STRIP2: variants seen among roughly 807,000 people sequenced by gnomAD.
STRIP2 encodes the protein striatin interacting protein 2.
A neutral mutation model predicts 107.1 loss-of-function variants in STRIP2; 84 were observed. That is an observed-to-expected ratio of 0.78 (90% CI 0.66 to 0.94). The LOEUF (loss-of-function observed/expected upper bound fraction) is 0.94, where lower values mean the gene tolerates loss of function less well. STRIP2 is among the 40% of genes least tolerant of loss of function. The pLI, the probability that STRIP2 is intolerant of heterozygous loss-of-function variation, is 0.00. For synonymous variants in STRIP2, 394 were observed against 400.4 expected, an observed-to-expected ratio of 0.98 and a Z score of 0.19; for missense variants, 888 against 1,034.2, an observed-to-expected ratio of 0.86 and a Z score of 1.94.
chr7:129,449,822 C>T (rs1406995952), intron 3 of STRIP2, among the ~76,000 whole-genome samples: 3 of 152,208 alleles, frequency 2.0e-5, no homozygotes. Context: ...AAGACTCTCA[C>T]TCAGGGCAAT....
intron 15 of STRIP2, among the ~76,000 whole-genome samples, chr7:129,464,392 G>C (rs1798620189): frequency 6.6e-6 from 1 of 152,018 alleles, no homozygotes; most frequent in Non-Finnish European, 1.5e-5. Flanking sequence ...ATTGCCAAGG[G>C]ATGAGCTTGC....
chr7:129,457,206 C>T (rs1798387778), intron 9 of STRIP2, among the ~76,000 whole-genome samples: 1 of 152,170 alleles, frequency 6.6e-6, no homozygotes, highest in Non-Finnish European at 1.5e-5. Context: ...ACTGAGCAAA[C>T]ATCATAGAGT....
intron 15 of STRIP2, 29 bp downstream of exon 15, chr7:129,464,170 G>C (rs1306626966): frequency 2.0e-6 from 3 of 1,516,786 alleles, no homozygotes; most frequent in Non-Finnish European, 2.7e-6. Flanking sequence ...GCAGCTGCTG[G>C]ATACTAGCTG....
intron 3 of STRIP2, among the ~76,000 whole-genome samples, chr7:129,449,136 T>C (rs1335913217): frequency 6.6e-6 from 1 of 152,212 alleles, no homozygotes; most frequent in African/African-American, 2.4e-5. Context: ...AGCTGCAACA[T>C]TGAACGCAGA....
chr7:129,437,716 C>T (rs192423120), intron 1 of STRIP2, among the ~76,000 whole-genome samples: 1 of 152,122 alleles, frequency 6.6e-6, no homozygotes, highest in East Asian at 1.9e-4. Flanking sequence ...TTGCCACTCT[C>T]CACCTTTTTC....
chr7:129,464,094 G>A lies in STRIP2; in HGVS notation c.1602G>A (p.Lys534=). 1 of 1,613,426 alleles carries A rather than the reference G, an allele frequency of 6.2e-7. No individual in the cohort carries two copies. The highest frequency in any genetic ancestry group is 1.1e-5 in the South Asian group (1 of 91,060). ...CTGCAGCTCCCACCTCTAAGGCTAA[G>A]ACAGACTCTATCAATATCCTGGCAG... ...LLAAAPTSKA[K]TDSINILADV... is the part of the protein sequence containing the mutation. Residue 534 remains lysine (K), a synonymous_variant, in exon 15 of 21, where the codon AAG becomes AAA. Transcript: ENST00000249344.
At chr7:129,442,156 C>G (rs1562894378) in intron 2 of STRIP2, among the ~76,000 whole-genome samples, 1 of 152,032 alleles carries the variant, frequency 6.6e-6, no homozygotes, top group African/African-American at 2.4e-5. Context: ...ACCTGGGAGG[C>G]AGAGGTTGCA....
At chr7:129,451,379 G>A (rs998113457) in intron 3 of STRIP2, among the ~76,000 whole-genome samples, 2 of 152,218 alleles carry the variant, frequency 1.3e-5, no homozygotes, top group African/African-American at 4.8e-5. Context: ...GGACAGTATG[G>A]GCTGTGTGTG....
intron 7 of STRIP2, 62 bp downstream of exon 7, chr7:129,454,589 A>G (rs567879168): frequency 9.4e-7 from 1 of 1,067,054 alleles, no homozygotes; most frequent in African/African-American, 1.5e-5. Flanking sequence ...GAAGCAGAGC[A>G]TCTGCCTAGG....
rs1041370314 is a variant in STRIP2 at position 129,486,443 on chromosome 7, C to A, written c.*614C>A. 2 of 154,516 alleles carry A rather than the reference C, an allele frequency of 1.3e-5. No homozygotes were observed. The highest frequency in any genetic ancestry group is 2.4e-5 in the African/African-American group (1 of 41,422). The allele number at this position is 154,516 out of a possible 1,614,324, so 9.6% of individuals were successfully genotyped here. On this transcript the variant is annotated 3_prime_UTR_variant, in exon 21 of 21. Transcript: ENST00000249344. ...TGTGTAAAGTGTTTTTTTCCTCATT[C>A]TGTAAGAGATCTATATTCAATGTGA... is the stretch of plus-strand genomic sequence containing the variant.
intron 1 of STRIP2, among the ~76,000 whole-genome samples, chr7:129,438,993 T>C (rs1220141534): frequency 6.6e-6 from 1 of 152,176 alleles, no homozygotes; most frequent in East Asian, 1.9e-4. Flanking sequence ...CTGAACCTAG[T>C]TGTTTCTGGG....
intron 18 of STRIP2, among the ~76,000 whole-genome samples, chr7:129,471,000 G>A (rs957809924): frequency 6.6e-6 from 1 of 152,192 alleles, no homozygotes; most frequent in Non-Finnish European, 1.5e-5. Context: ...GAAATTGAGC[G>A]TGAATATCTA....
chr7:129,456,328 G>T, intron 8 of STRIP2, 111 bp from the exon 9 acceptor site: 1 of 891,476 alleles, frequency 1.1e-6, no homozygotes. Context: ...GAAAAGGTCT[G>T]AAGGGACTGG....
At chr7:129,477,932 A>G (rs1799014300) in intron 18 of STRIP2, 1 of 521,382 alleles carries the variant, frequency 1.9e-6, no homozygotes, top group Non-Finnish European at 3.9e-6. Context: ...GTTATCATTG[A>G]AATTAAATGG....
At chr7:129,456,874 C>G (rs556146170) in intron 9 of STRIP2, among the ~76,000 whole-genome samples, 1 of 152,152 alleles carries the variant, frequency 6.6e-6, no homozygotes, top group African/African-American at 2.4e-5. Flanking sequence ...CATATATAGC[C>G]ATGTCTTGCT....
chr7:129,475,543 CTT>C (rs11432356), intron 18 of STRIP2, among the ~76,000 whole-genome samples: 1 of 83,444 alleles, frequency 1.2e-5, no homozygotes, highest in Admixed American at 1.4e-4. Flanking sequence ...GGTGATGACT[CTT>C]TTTTTTTCTT....
At chr7:129,442,281 C>A (rs959388165) in intron 2 of STRIP2, among the ~76,000 whole-genome samples, 19 of 152,144 alleles carry the variant, frequency 1.2e-4, no homozygotes, top group African/African-American at 4.3e-4. Context: ...GGATCAGTAA[C>A]AAAGGAATTT....
At chr7:129,470,762 A>G in intron 18 of STRIP2, 47 bp downstream of exon 18, 2 of 1,536,884 alleles carry the variant, frequency 1.3e-6, no homozygotes, top group Non-Finnish European at 1.8e-6. Context: ...TAGGTAGCAC[A>G]GGTTGGCATT....
chr7:129,485,848 G>T lies in STRIP2; in HGVS notation c.*19G>T, dbSNP rs1359064169. The stretch of plus-strand genomic sequence containing the variant: ...TCACTGACTAAGTTCTTGTCAACAA[G>T]CATCAATAGATAGAGGTCAGCTCCA... On this transcript the variant is annotated 3_prime_UTR_variant, in exon 21 of 21. Coordinates refer to ENST00000249344, the MANE Select transcript of STRIP2 (RefSeq NM_020704.3). 1.2e-6 allele frequency: 2 copies of T among 1,612,958 alleles called. No individual in the cohort carries two copies. Among genetic ancestry groups the T allele is most frequent in the Middle Eastern group, 1.8e-4 (1 of 5,532 alleles).
Sources: allele counts gnomAD v4.1 joint callset (sites outside exome capture counted in the v4.1 genomes callset), GRCh38; gene constraint gnomAD v4.1.1; transcripts MANE v1.5; gene names NCBI Gene and HGNC (gene_info 2026-07-23, HGNC 2026-07-21).